C2orf49: variants seen among roughly 807,000 people sequenced by gnomAD.
C2orf49 encodes the protein tRNA splicing ligase complex subunit 2, also known as tRNA-splicing ligase complex subunit ASW.
Under a neutral mutation model 20.6 loss-of-function variants are expected in C2orf49, and 11 were observed. The observed-to-expected ratio is 0.53, with a 90% confidence interval of 0.34 to 0.88. The LOEUF (loss-of-function observed/expected upper bound fraction) is 0.88. C2orf49 is among the 40% of genes least tolerant of loss of function. C2orf49 has a pLI of 0.02. For missense variants in C2orf49, 289 were observed against 274.2 expected, an observed-to-expected ratio of 1.05 and a Z score of -0.38; for synonymous variants, 134 against 108.5, an observed-to-expected ratio of 1.24 and a Z score of -1.46.
At chr2:105,380,886 C>T in the C2orf49 span, among the ~76,000 whole-genome samples, 3 of 152,212 alleles carry the variant, frequency 2.0e-5, no homozygotes, top group African/African-American at 7.2e-5. Context: ...TAAACATGTA[C>T]GATTAGGCCC....
chr2:105,381,509 G>A, the C2orf49 span, among the ~76,000 whole-genome samples: 71,031 of 151,806 alleles, frequency 0.47, 17,658 homozygotes, highest in African/African-American at 0.63. Flanking sequence ...CGGTGCATGC[G>A]AGGTCACTGC....
rs996302912 is a variant in C2orf49, at chr2:105,346,034, A to G, written c.*663A>G. ...GCCTTGTTCAGAGTCTTTGGGGGAA[A>G]TTTGAGATTTTTGAGATTTTTTTTA... On this transcript the variant is annotated 3_prime_UTR_variant, in exon 4 of 4. Coordinates refer to ENST00000258457, the MANE Select transcript of C2orf49 (RefSeq NM_024093.3). 2 of 151,912 alleles carry G rather than the reference A, an allele frequency of 1.3e-5. No individual in the cohort carries two copies. The highest frequency in any genetic ancestry group is 4.8e-5 in the African/African-American group (2 of 41,386). 9.4% of individuals were successfully genotyped at this position (151,912 alleles called of 1,614,324 possible).
Position 105,345,536 on chromosome 2 carries a change from C to A in C2orf49, c.*165C>A. The A allele has an allele frequency of 1.6e-6, 1 of 636,530 alleles. No homozygotes were observed. The highest frequency in any genetic ancestry group is 1.9e-5 in the African/African-American group (1 of 53,778). 39.4% of individuals were successfully genotyped at this position (636,530 alleles called of 1,614,324 possible). A position where few individuals can be genotyped will look rare whatever the true frequency, so the allele number is the denominator to read the frequency against. On this transcript the variant is annotated 3_prime_UTR_variant, in exon 4 of 4. Coordinates refer to ENST00000258457, the MANE Select transcript of C2orf49 (RefSeq NM_024093.3). ...TTTATTTTCCTTCCCTTCTTCCCTC[C>A]CTCCCTTCCTTTTTTAAAATTCTTG...
the C2orf49 span, among the ~76,000 whole-genome samples, chr2:105,384,949 A>G: frequency 6.6e-6 from 1 of 152,222 alleles, no homozygotes; most frequent in Non-Finnish European, 1.5e-5. Context: ...GTCCTGTTAA[A>G]TACATGAAAA....
chr2:105,361,096 C>A, the C2orf49 span: 1 of 511,472 alleles, frequency 2.0e-6, no homozygotes, highest in South Asian at 4.2e-5. Context: ...GGCGAGTTTT[C>A]TCTTTCCCTG....
chr2:105,340,842 C>T (rs1183745877), intron 2 of C2orf49, among the ~76,000 whole-genome samples: 1 of 151,990 alleles, frequency 6.6e-6, no homozygotes, highest in Non-Finnish European at 1.5e-5. Context: ...ATTTGTAAGG[C>T]ACCGTCATAG....
chr2:105,353,883 G>C (rs1030529205), downstream of C2orf49, among the ~76,000 whole-genome samples: 1 of 152,222 alleles, frequency 6.6e-6, no homozygotes, highest in African/African-American at 2.4e-5. Flanking sequence ...TGATATGCAA[G>C]TTAATATAAC....
At chr2:105,377,292 G>C in the C2orf49 span, among the ~76,000 whole-genome samples, 7 of 152,184 alleles carry the variant, frequency 4.6e-5, no homozygotes, top group Non-Finnish European at 1.0e-4. Context: ...GGTTAAGAAG[G>C]TAAGTGTGAT....
chr2:105,378,404 C>T, the C2orf49 span: 1 of 347,508 alleles, frequency 2.9e-6, no homozygotes, highest in East Asian at 7.8e-5. Flanking sequence ...GCCGCATTCT[C>T]TCAGGACAAC....
the C2orf49 span, chr2:105,363,313 C>T: frequency 6.2e-7 from 1 of 1,614,220 alleles, no homozygotes; most frequent in South Asian, 1.1e-5. Flanking sequence ...ACCCAGCACA[C>T]TTCTTGGCAT....
chr2:105,343,006 T>G lies in C2orf49; in HGVS notation c.425T>G (p.Leu142Ter). Residue 142 changes from leucine to a stop codon, truncating the protein, a stop_gained, in exon 3 of 4, where the codon TTA becomes TGA. Transcript: ENST00000258457. LOFTEE classifies it high-confidence loss of function. ...TTTACCAGTAATGCCTTTAGAAAAT[T>G]ATCAAATTCCTCTTCGAGTGTTTCA... Reference protein sequence around the residue: ...ASFTSNAFRKLSNSSSSVSPL... With the variant: ...ASFTSNAFRK 1 of 1,614,180 alleles carries G rather than the reference T, an allele frequency of 6.2e-7. No homozygotes were observed.
chr2:105,370,978 C>G, the C2orf49 span, among the ~76,000 whole-genome samples: 1 of 152,186 alleles, frequency 6.6e-6, no homozygotes, highest in Non-Finnish European at 1.5e-5. Context: ...TACCACAGAG[C>G]CTGAATTCTT....
Position 105,343,097 on chromosome 2 carries a change from A to G in C2orf49, c.516A>G (p.Lys172=). 1 of 1,614,230 alleles carries G rather than the reference A, an allele frequency of 6.2e-7. No homozygotes were observed. The change falls in exon 3 of 4, where the codon AAA becomes AAG. Residue 172 remains lysine (K), a synonymous_variant. Coordinates refer to ENST00000258457, the MANE Select transcript of C2orf49 (RefSeq NM_024093.3). ...NKTEHNNNDA[K]QNHDLTHRKS... is the part of the protein sequence containing the mutation. ...CGGAACACAATAATAATGACGCTAA[A>G]CAGAACCATGACTTAACGCATAGGA...
the C2orf49 span, among the ~76,000 whole-genome samples, chr2:105,370,346 G>T: frequency 6.6e-6 from 1 of 151,870 alleles, no homozygotes; most frequent in East Asian, 1.9e-4. Context: ...CTACTCTCCC[G>T]CCTGAGCGAA....
rs1679793628 is a variant in C2orf49, at chr2:105,345,692, G to T, written c.*321G>T. On this transcript the variant is annotated 3_prime_UTR_variant, in exon 4 of 4. Transcript: ENST00000258457. ...GCATCCATTGAATTGGCCAGGCGCA[G>T]TGGCTCACGCCTATAATCCCAGCAC... 7.5e-6 allele frequency: 2 copies of T among 267,482 alleles called. No individual in the cohort carries two copies. The highest frequency in any genetic ancestry group is 1.1e-4 in the Admixed American group (2 of 18,970). The allele number at this position is 267,482 out of a possible 1,614,324, so 16.6% of individuals were successfully genotyped here.
At chr2:105,353,587 T>C (rs1253039783), downstream of C2orf49, among the ~76,000 whole-genome samples, 1 of 152,208 alleles carries the variant, frequency 6.6e-6, no homozygotes, top group East Asian at 1.9e-4. Flanking sequence ...AGATTTCTGA[T>C]TTCTAGTGTG....
the C2orf49 span, among the ~76,000 whole-genome samples, chr2:105,381,560 C>T: frequency 6.6e-6 from 1 of 152,122 alleles, no homozygotes; most frequent in African/African-American, 2.4e-5. Flanking sequence ...TGTGGCTGAA[C>T]TTTTGGTTTT....
At chr2:105,385,637 G>A in the C2orf49 span, among the ~76,000 whole-genome samples, 13 of 152,276 alleles carry the variant, frequency 8.5e-5, no homozygotes, top group African/African-American at 2.9e-4. Context: ...AGCCGTTTGC[G>A]GGTGAAGGTA....
the C2orf49 span, among the ~76,000 whole-genome samples, chr2:105,354,262 A>G: frequency 6.6e-6 from 1 of 152,188 alleles, no homozygotes; most frequent in East Asian, 1.9e-4. Context: ...TGCCTTGTTT[A>G]TGGTTCATGT....
Sources: gnomAD v4.1 joint callset for allele counts (sites outside exome capture counted in the v4.1 genomes callset) on GRCh38, gnomAD v4.1.1 for gene constraint, MANE v1.5 for transcripts, NCBI Gene and HGNC (gene_info 2026-07-23, HGNC 2026-07-21) for gene names.